The following DENND5B variants were observed in gnomAD, a reference collection of about 807,000 sequenced individuals.
The protein encoded by DENND5B is DENN domain-containing protein 5B.
Under a neutral mutation model 140.6 loss-of-function variants are expected in DENND5B, and 34 were observed. The observed-to-expected ratio is 0.24, with a 90% CI of 0.18 to 0.32. DENND5B has a LOEUF of 0.32. DENND5B is among the 10% of genes least tolerant of loss of function. The probability of loss-of-function intolerance (pLI) is 1.00; values close to 1 mark genes in which losing one functional copy is unlikely to be tolerated. For missense variants in DENND5B, 1,142 were observed against 1,560.2 expected (o/e 0.73, Z 4.52); for synonymous variants, 551 against 562.1 (o/e 0.98, Z 0.28).
intron 1 of DENND5B, chr12:31,590,417 G>A (rs996409192): frequency 2.3e-5 from 5 of 219,904 alleles, no homozygotes; most frequent in Non-Finnish European, 3.5e-5. Flanking sequence ...GCAAGCGAAG[G>A]GGCCGGCGCG....
At chr12:31,525,660 A>G (rs1948060684) in intron 1 of DENND5B, among the ~76,000 whole-genome samples, 1 of 152,162 alleles carries the variant, frequency 6.6e-6, no homozygotes, top group Non-Finnish European at 1.5e-5. Context: ...TGCATTTGAT[A>G]TGTATACGTT....
At chr12:31,393,917 T>C (rs1304807454) in intron 17 of DENND5B, among the ~76,000 whole-genome samples, 1 of 152,192 alleles carries the variant, frequency 6.6e-6, no homozygotes, top group Non-Finnish European at 1.5e-5. Flanking sequence ...CTCGAACTCC[T>C]GACCTCAGGT....
At chr12:31,446,761 G>C (rs1944292303) in intron 6 of DENND5B, among the ~76,000 whole-genome samples, 1 of 151,794 alleles carries the variant, frequency 6.6e-6, no homozygotes, top group African/African-American at 2.4e-5. Flanking sequence ...CGGGTGTGGT[G>C]GTGGGCGCCT....
intron 14 of DENND5B, 96 bp from the exon 15 acceptor site, chr12:31,402,739 A>C: frequency 7.0e-7 from 1 of 1,431,166 alleles, no homozygotes; most frequent in Non-Finnish European, 9.3e-7. Context: ...TTCATTGATA[A>C]TTTGCTTTTT....
intron 1 of DENND5B, among the ~76,000 whole-genome samples, chr12:31,542,409 C>CA (rs1445795015): frequency 3.3e-5 from 5 of 151,438 alleles, no homozygotes; most frequent in African/African-American, 7.3e-5. Context: ...TTAATGGGCA[C>CA]AAAAAAACAG....
intron 1 of DENND5B, among the ~76,000 whole-genome samples, chr12:31,551,541 T>C (rs908107419): frequency 6.6e-5 from 10 of 152,220 alleles, no homozygotes; most frequent in Non-Finnish European, 1.5e-4. Context: ...GACTCGGCGA[T>C]GCAGGCTCTT....
At chr12:31,393,760 T>G (rs907411677) in intron 17 of DENND5B, among the ~76,000 whole-genome samples, 1 of 152,180 alleles carries the variant, frequency 6.6e-6, no homozygotes, top group African/African-American at 2.4e-5. Flanking sequence ...CAATGTCGGC[T>G]CACTGCACCC....
intron 7 of DENND5B, 133 bp from the exon 8 acceptor site, chr12:31,433,381 T>C: frequency 1.2e-6 from 1 of 814,690 alleles, no homozygotes; most frequent in Non-Finnish European, 1.8e-6. Flanking sequence ...TTTGTTAAAA[T>C]ATAATTAAAA....
chr12:31,428,900 T>A (rs902398102), intron 8 of DENND5B, among the ~76,000 whole-genome samples: 3 of 151,940 alleles, frequency 2.0e-5, no homozygotes, highest in Non-Finnish European at 2.9e-5. Flanking sequence ...CCCGGCTATT[T>A]TTTTGTATTT....
chr12:31,418,973 T>C (rs1273224863), intron 11 of DENND5B, among the ~76,000 whole-genome samples: 2 of 152,158 alleles, frequency 1.3e-5, no homozygotes, highest in Non-Finnish European at 2.9e-5. Context: ...TTTGTGGTAC[T>C]CTATTATGGC....
At chr12:31,543,520 C>T (rs1948755535) in intron 1 of DENND5B, among the ~76,000 whole-genome samples, 1 of 152,130 alleles carries the variant, frequency 6.6e-6, no homozygotes, top group Admixed American at 6.5e-5. Flanking sequence ...ATCAAACATA[C>T]TGTGCTACCA....
intron 5 of DENND5B, among the ~76,000 whole-genome samples, chr12:31,450,357 A>AAAATT (rs1449989938): frequency 5.0e-5 from 3 of 59,622 alleles, no homozygotes; most frequent in Non-Finnish European, 1.2e-4. Flanking sequence ...ATGAAGTAAA[A>AAAATT]AAATTATCTT....
chr12:31,390,647 A>C (rs1036573063), intron 19 of DENND5B, among the ~76,000 whole-genome samples: 8 of 150,378 alleles, frequency 5.3e-5, no homozygotes, highest in African/African-American at 1.5e-4. Flanking sequence ...AACAAACAAA[A>C]AAAATTAAAT....
rs76191714 is a variant in DENND5B at position 31,460,063 on chromosome 12, T to G, written c.1092+131A>C. 3.0e-3 allele frequency: 2,573 copies of G among 865,236 alleles called. 38 individuals carry two copies. In the African/African-American group the frequency reaches 0.04, roughly 14 times the overall value. The allele number at this position is 865,236 out of a possible 1,614,324, so 53.6% of individuals were successfully genotyped here. On this transcript the variant is annotated intron_variant, in intron 4 of 20. Coordinates refer to ENST00000389082, the MANE Select transcript of DENND5B (RefSeq NM_144973.4). ...GCATTCTATAGCTCAGGCTCTCCCC[T>G]AGCCATACTTGGAGATTTAGGAGAG...
chr12:31,460,134 A>G (rs959508970), intron 4 of DENND5B, 60 bp downstream of exon 4: 5 of 1,505,342 alleles, frequency 3.3e-6, no homozygotes, highest in Middle Eastern at 1.8e-4. Flanking sequence ...CAATCTAACG[A>G]AAGTCGCCTT....
chr12:31,523,127 C>T (rs376347520), intron 1 of DENND5B, among the ~76,000 whole-genome samples: 7 of 150,166 alleles, frequency 4.7e-5, no homozygotes, highest in Non-Finnish European at 1.0e-4. Flanking sequence ...GGCGTGATCT[C>T]GGCTCACTGC....
chr12:31,523,354 C>A (rs1225684888), intron 1 of DENND5B, among the ~76,000 whole-genome samples: 7 of 152,064 alleles, frequency 4.6e-5, no homozygotes, highest in African/African-American at 1.4e-4. Flanking sequence ...TGAGCCACCA[C>A]ACCTGGCCTA....
chr12:31,567,665 A>G (rs1949677911), intron 1 of DENND5B, among the ~76,000 whole-genome samples: 2 of 149,080 alleles, frequency 1.3e-5, no homozygotes, highest in African/African-American at 5.0e-5. Flanking sequence ...TTTGTTCAAA[A>G]CCTTTTAGGG....
rs1197928546 is a variant in DENND5B at position 31,591,046 on chromosome 12, C to G, written c.-214G>C. 1.7e-4 allele frequency: 49 copies of G among 289,012 alleles called. 1 individual carries two copies. The highest frequency in any genetic ancestry group is 2.1e-5 in the Non-Finnish European group (4 of 193,978). The allele number at this position is 289,012 out of a possible 1,614,324, so 17.9% of individuals were successfully genotyped here. Reference sequence around the variant, plus strand: ...GCTCGCGCGCGGCGGGTCCGGAGCCCGGCCGGGTGGGGGAGGGGCGCGGGG... The same window carrying G: ...GCTCGCGCGCGGCGGGTCCGGAGCCGGGCCGGGTGGGGGAGGGGCGCGGGG... On this transcript the variant is annotated 5_prime_UTR_variant, in exon 1 of 21. Transcript: ENST00000389082.
Sources: allele counts gnomAD v4.1 joint callset (sites outside exome capture counted in the v4.1 genomes callset), GRCh38; gene constraint gnomAD v4.1.1; transcripts MANE v1.5; gene names NCBI Gene and HGNC (gene_info 2026-07-23, HGNC 2026-07-21).